CNTNAP3: variants seen among roughly 807,000 people sequenced by gnomAD.
CNTNAP3 encodes contactin associated protein family member 3.
CNTNAP3 carries 36 observed loss-of-function variants against 92.1 expected under a neutral mutation model. That is an observed-to-expected ratio of 0.39 (90% CI 0.30 to 0.52). The LOEUF (loss-of-function observed/expected upper bound fraction) is 0.52. CNTNAP3 is among the 20% of genes least tolerant of loss of function. CNTNAP3 has a pLI of 0.76. For synonymous variants in CNTNAP3, 232 were observed against 422.3 expected, an observed-to-expected ratio of 0.55 and a Z score of 5.53; for missense variants, 534 against 1,069.6, an observed-to-expected ratio of 0.50 and a Z score of 6.98.
chr9:39,285,683 G>A lies in CNTNAP3; in HGVS notation c.85+2297C>T, dbSNP rs1375341621. Among the ~76,000 whole-genome samples, 5 of 51,330 alleles carry A rather than the reference G, an allele frequency of 9.7e-5. 2 individuals carry two copies. The highest frequency in any genetic ancestry group is 1.3e-4 in the African/African-American group (3 of 23,004). The allele number at this position is 51,330 out of a possible 152,430, so 33.7% of individuals were successfully genotyped here. A position where few individuals can be genotyped will look rare whatever the true frequency, so the allele number is the denominator to read the frequency against. On this transcript the variant is annotated intron_variant, in intron 1 of 23. Transcript: ENST00000297668. ...ATTACAGATGCCTGCCACCACGCCC[G>A]GCTAATTTTTGTATTTTTAGTAGAG...
At chr9:39,130,149 C>T (rs954408009) in intron 13 of CNTNAP3, among the ~76,000 whole-genome samples, 6 of 152,052 alleles carry the variant, frequency 3.9e-5, no homozygotes, top group Non-Finnish European at 7.4e-5. Context: ...GGCATTAATT[C>T]CAGAGAAATG....
chr9:39,120,472 C>A (rs1269397047), intron 13 of CNTNAP3, among the ~76,000 whole-genome samples: 1 of 152,156 alleles, frequency 6.6e-6, no homozygotes, highest in Non-Finnish European at 1.5e-5. Context: ...CAGATCGAAA[C>A]CATCCTGGCT....
intron 19 of CNTNAP3, among the ~76,000 whole-genome samples, chr9:39,088,156 A>G (rs1159265105): frequency 5.9e-5 from 9 of 152,084 alleles, no homozygotes; most frequent in Admixed American, 5.2e-4. Flanking sequence ...GTACTATTAA[A>G]GTCATCCTAT....
intron 11 of CNTNAP3, among the ~76,000 whole-genome samples, chr9:39,141,273 A>C (rs1435315566): frequency 1.3e-5 from 2 of 152,184 alleles, no homozygotes; most frequent in African/African-American, 4.8e-5. Flanking sequence ...TAAACTGCCT[A>C]AATAATCTGG....
intron 15 of CNTNAP3, among the ~76,000 whole-genome samples, chr9:39,108,194 G>C (rs1826651711): frequency 6.6e-6 from 1 of 152,054 alleles, no homozygotes; most frequent in South Asian, 2.1e-4. Flanking sequence ...TACACACACA[G>C]TGGGTAGGTC....
chr9:39,137,483 T>A lies in CNTNAP3; in HGVS notation c.1876+3036A>T, dbSNP rs573505981. 2.3e-3 allele frequency among the ~76,000 whole-genome samples: 344 copies of A among 152,278 alleles called. 2 individuals are homozygous for A. Among genetic ancestry groups the A allele is most frequent in the African/African-American group, 7.8e-3 (323 of 41,552 alleles). On this transcript the variant is annotated intron_variant, in intron 12 of 23. Coordinates refer to ENST00000297668, the MANE Select transcript of CNTNAP3 (RefSeq NM_033655.5). ...CCTGGTCTGATAATTCCAATGTCCC[T>A]GCCATATCTGACTCTGGTTTTTGTT... is the stretch of plus-strand genomic sequence containing the variant.
rs1822691204 is a variant in CNTNAP3, at chr9:39,225,753, G to T, written c.390+13240C>A. 3.6e-5 allele frequency among the ~76,000 whole-genome samples: 2 copies of T among 55,206 alleles called. 1 individual carries two copies. The highest frequency in any genetic ancestry group is 1.7e-4 in the Non-Finnish European group (2 of 11,442). 36.2% of individuals were successfully genotyped at this position (55,206 alleles called of 152,430 possible). Reference sequence around the variant, plus strand: ...TGACTGCCTTTTTTCCTTCCTTCCTGTCTTACTTTCTTCTTTGCTCCCTCC... The same window carrying T: ...TGACTGCCTTTTTTCCTTCCTTCCTTTCTTACTTTCTTCTTTGCTCCCTCC... On this transcript the variant is annotated intron_variant, in intron 3 of 23. Transcript: ENST00000297668.
At chr9:39,099,259 C>A (rs1826396159) in intron 18 of CNTNAP3, among the ~76,000 whole-genome samples, 1 of 152,228 alleles carries the variant, frequency 6.6e-6, no homozygotes, top group African/African-American at 2.4e-5. Flanking sequence ...CAGCCCTTTT[C>A]TTTTGAAAAC....
intron 15 of CNTNAP3, among the ~76,000 whole-genome samples, chr9:39,108,366 C>G (rs781446224): frequency 7.9e-5 from 12 of 152,094 alleles, no homozygotes; most frequent in Non-Finnish European, 1.5e-4. Context: ...ACAGAAACTG[C>G]TTGGTATTAG....
intron 13 of CNTNAP3, among the ~76,000 whole-genome samples, chr9:39,127,379 A>C (rs1821175359): frequency 6.6e-6 from 1 of 152,004 alleles, no homozygotes; most frequent in Admixed American, 6.6e-5. Context: ...TAGAAACTAG[A>C]AAACAAAATT....
intron 9 of CNTNAP3, among the ~76,000 whole-genome samples, chr9:39,152,070 CCT>C (rs1162820783): frequency 1.4e-5 from 2 of 138,548 alleles, no homozygotes; most frequent in African/African-American, 5.3e-5. Flanking sequence ...TTTTCATTGA[CCT>C]CTCTTTGACC....
chr9:39,106,224 A>G (rs966832335), intron 15 of CNTNAP3, among the ~76,000 whole-genome samples: 4 of 152,216 alleles, frequency 2.6e-5, no homozygotes, highest in Admixed American at 2.6e-4. Flanking sequence ...GGAAAAGAGA[A>G]AGGAAGAGGA....
At chr9:39,130,509 T>C (rs1178246597) in intron 13 of CNTNAP3, among the ~76,000 whole-genome samples, 1 of 147,354 alleles carries the variant, frequency 6.8e-6, no homozygotes, top group African/African-American at 2.5e-5. Context: ...TTTTTTTTTT[T>C]TTTTTTTTGA....
At position 39,113,966 on chromosome 9, in the gene CNTNAP3, C is replaced by CTATATATACACACACACA. The variant is rs1373788489; in HGVS notation, c.2237+4119_2237+4136dup. 9.4e-5 allele frequency among the ~76,000 whole-genome samples: 14 copies of CTATATATACACACACACA among 149,572 alleles called. 1 individual carries two copies. The highest frequency in any genetic ancestry group is 2.5e-4 in the African/African-American group (10 of 40,010). On this transcript the variant is annotated intron_variant, in intron 14 of 23. Transcript: ENST00000297668. ...GCATATTTGTTAATTCTCTCTCTCTCTATATATACACACACACATATATAT... is the reference window on the plus strand; with the variant it reads ...GCATATTTGTTAATTCTCTCTCTCTCTATATATACACACACACATATATATACACACACACATATATAT...
At chr9:39,125,752 A>C (rs2118010610) in intron 13 of CNTNAP3, among the ~76,000 whole-genome samples, 1 of 152,296 alleles carries the variant, frequency 6.6e-6, no homozygotes, top group Non-Finnish European at 1.5e-5. Context: ...ATTACACAAT[A>C]ATAAAGGGGT....
chr9:39,096,927 G>T (rs1278130203), intron 18 of CNTNAP3, among the ~76,000 whole-genome samples: 5 of 149,022 alleles, frequency 3.4e-5, no homozygotes, highest in Non-Finnish European at 7.4e-5. Context: ...ATTAATTTGG[G>T]GGTGTTTTCA....
At chr9:39,138,437 T>G (rs1821494082) in intron 12 of CNTNAP3, among the ~76,000 whole-genome samples, 1 of 152,182 alleles carries the variant, frequency 6.6e-6, no homozygotes, top group African/African-American at 2.4e-5. Flanking sequence ...CCAGGCAGGT[T>G]AGGCTCTGAA....
Position 39,068,243 on chromosome 9 carries a change from C to CAAAAAAAAAAAAAAAAAAAA in CNTNAP3, c.*5627_*5646dup, listed in dbSNP as rs1198106886. ...TGAAACCTTGCCTCCACTAAAAATA[C>CAAAAAAAAAAAAAAAAAAAA]AAAAAAAAAAAAAAAAAAAAAAATT... is the stretch of plus-strand genomic sequence containing the variant. On this transcript the variant is annotated 3_prime_UTR_variant, in exon 24 of 24. Transcript: ENST00000297668. 2.2e-4 allele frequency among the ~76,000 whole-genome samples: 29 copies of CAAAAAAAAAAAAAAAAAAAA among 129,310 alleles called. No individual in the cohort carries two copies. The highest frequency in any genetic ancestry group is 2.4e-4 in the Non-Finnish European group (14 of 59,098). 84.8% of individuals were successfully genotyped at this position (129,310 alleles called of 152,430 possible). A position where few individuals can be genotyped will look rare whatever the true frequency, so the allele number is the denominator to read the frequency against.
rs781369914 is a variant in CNTNAP3 at position 39,103,695 on chromosome 9, A to G, written c.2536+49T>C. On this transcript the variant is annotated intron_variant, in intron 16 of 23. Transcript: ENST00000297668. Reference sequence around the variant, plus strand: ...AACATTTTGTTGAGTTAAAGCTTTTATTGCTAAATAATGGGTACCCTGTGA... The same window carrying G: ...AACATTTTGTTGAGTTAAAGCTTTTGTTGCTAAATAATGGGTACCCTGTGA... 2.6e-6 allele frequency: 4 copies of G among 1,554,018 alleles called. No individual in the cohort carries two copies. The East Asian group carries it at 9.0e-5, about 35-fold the overall frequency.
Sources: allele counts gnomAD v4.1 joint callset (sites outside exome capture counted in the v4.1 genomes callset), GRCh38; gene constraint gnomAD v4.1.1; transcripts MANE v1.5; gene names NCBI Gene and HGNC (gene_info 2026-07-23, HGNC 2026-07-21).